The following ZNF469 variants were observed in gnomAD, a reference collection of about 807,000 sequenced individuals.
ZNF469 encodes zinc finger protein 469.
In ZNF469, 1 loss-of-function variant was observed where a neutral mutation model predicts 1.0. The observed-to-expected ratio is 1.00, with a 90% CI of 0.35 to 4.73. The LOEUF is 4.73. ZNF469 is among the 30% of genes most tolerant of loss of function. The pLI, the probability that ZNF469 is intolerant of heterozygous loss-of-function variation, is 0.16. For missense variants in ZNF469, 6,100 were observed against 5,356.3 expected, an observed-to-expected ratio of 1.14 and a Z score of -4.33; for synonymous variants, 2,703 against 2,363.4, an observed-to-expected ratio of 1.14 and a Z score of -4.17.
chr16:88,312,371 G>A, the ZNF469 span, among the ~76,000 whole-genome samples: 2 of 152,156 alleles, frequency 1.3e-5, no homozygotes, highest in Non-Finnish European at 2.9e-5. Flanking sequence ...AGCTTCTCAG[G>A]CCATTTGCCC....
In ZNF469 at chr16:88,402,770, T is replaced by C. The variant is rs541414050; in HGVS notation, c.-192+19516T>C. ...ACATTATTCCTCCGGTTCCAGGGCC[T>C]CTGATGAGCTGGGTTCATCTCCCAC... On this transcript the variant is annotated intron_variant, in intron 1 of 2. Transcript: ENST00000565624. 2.2e-4 allele frequency among the ~76,000 whole-genome samples: 34 copies of C among 152,282 alleles called. No homozygotes were observed. The South Asian group carries it at 7.1e-3, about 32-fold the overall frequency.
chr16:88,238,225 T>G, the ZNF469 span, among the ~76,000 whole-genome samples: 1 of 152,376 alleles, frequency 6.6e-6, no homozygotes, highest in South Asian at 2.1e-4. Flanking sequence ...ACCCTGTGTC[T>G]GCTGAACTGC....
At chr16:88,196,984 G>A in the ZNF469 span, among the ~76,000 whole-genome samples, 1 of 152,218 alleles carries the variant, frequency 6.6e-6, no homozygotes, top group African/African-American at 2.4e-5. Context: ...CCTGGGTCAT[G>A]TCTGAGCTGG....
At chr16:88,305,590 G>A in the ZNF469 span, among the ~76,000 whole-genome samples, 18 of 139,814 alleles carry the variant, frequency 1.3e-4, no homozygotes, top group East Asian at 2.3e-3. Flanking sequence ...AGGCACACAC[G>A]CACACCCTCA....
At chr16:88,221,215 C>A in the ZNF469 span, among the ~76,000 whole-genome samples, 1 of 152,238 alleles carries the variant, frequency 6.6e-6, no homozygotes, top group African/African-American at 2.4e-5. Context: ...TAAGGACAGA[C>A]CCGGGCTGGC....
chr16:88,348,875 G>A, the ZNF469 span, among the ~76,000 whole-genome samples: 29 of 152,290 alleles, frequency 1.9e-4, no homozygotes, highest in Middle Eastern at 3.4e-3. Context: ...GGCATCACGC[G>A]TGGGCATGTA....
At chr16:88,364,596 C>T in the ZNF469 span, among the ~76,000 whole-genome samples, 1 of 151,492 alleles carries the variant, frequency 6.6e-6, no homozygotes, top group Non-Finnish European at 1.5e-5. Context: ...TAGAGTCTTC[C>T]AGTCCATGAA....
In ZNF469 at chr16:88,431,129, A is replaced by C. The variant is rs1003126215; in HGVS notation, c.3659A>C (p.Asp1220Ala). 2 of 1,549,824 alleles carry C rather than the reference A, an allele frequency of 1.3e-6. No homozygotes were observed. The highest frequency in any genetic ancestry group is 2.7e-5 in the African/African-American group (2 of 72,858). ...TCAGAGGAAACCCGCCCGTCGCTGG[A>C]CTTTCCCCAGGAGGCCAAGGAGCCT... ...ETSEETRPSL[D>A]FPQEAKEPET... is the part of the protein sequence containing the mutation. The change falls in exon 3 of 3, where the codon GAC becomes GCC. Residue 1220 changes from aspartate to alanine, a missense_variant. By Grantham distance (126) the Asp-to-Ala change is moderately radical. Coordinates refer to ENST00000565624, the MANE Select transcript of ZNF469 (RefSeq NM_001367624.2).
chr16:88,183,812 G>A, the ZNF469 span, among the ~76,000 whole-genome samples: 17 of 152,344 alleles, frequency 1.1e-4, no homozygotes, highest in East Asian at 3.1e-3. Context: ...CCGGCCACAG[G>A]AGGGGGCGCA....
chr16:88,438,190 G>T lies in ZNF469; in HGVS notation c.10720G>T (p.Ala3574Ser), dbSNP rs1210914783. ...CAGAGGAGACTGCGCGCTGGACGGA[G>T]CCCTGGAGAGGCCAGAGAACGAGGC... is the stretch of plus-strand genomic sequence containing the variant. ...DGRGDCALDGALERPENEASP... is the reference protein window; with the variant it reads ...DGRGDCALDGSLERPENEASP... The change falls in exon 3 of 3, where the codon GCC (alanine) becomes TCC (serine). Residue 3574 changes from alanine (A) to serine (S), a missense_variant. Physicochemically the swap from Ala to Ser is moderately conservative, Grantham distance 99 (BLOSUM62 1). Transcript: ENST00000565624. 9.0e-6 allele frequency: 14 copies of T among 1,547,974 alleles called. No homozygotes were observed. Among genetic ancestry groups the T allele is most frequent in the African/African-American group, 1.4e-5 (1 of 73,010 alleles).
the ZNF469 span, among the ~76,000 whole-genome samples, chr16:88,102,223 A>AG: frequency 6.6e-6 from 1 of 152,190 alleles, no homozygotes; most frequent in Non-Finnish European, 1.5e-5. Context: ...AAAAACAGGC[A>AG]GGGCCATGCC....
chr16:88,180,964 G>C, the ZNF469 span, among the ~76,000 whole-genome samples: 1 of 152,016 alleles, frequency 6.6e-6, no homozygotes, highest in African/African-American at 2.4e-5. Context: ...AGCTATAGAA[G>C]AAGTAGACAG....
chr16:88,214,583 C>A, the ZNF469 span, among the ~76,000 whole-genome samples: 1 of 151,950 alleles, frequency 6.6e-6, no homozygotes, highest in African/African-American at 2.4e-5. Flanking sequence ...TATACACGTG[C>A]CATGGTGGTT....
At position 88,425,342 on chromosome 16, in the gene ZNF469, G is replaced by A. The variant is rs531952301; in HGVS notation, c.-127+471G>A. On this transcript the variant is annotated intron_variant, in intron 2 of 2. Coordinates refer to ENST00000565624, the MANE Select transcript of ZNF469 (RefSeq NM_001367624.2). ...CCATGGGTAGGGGGGTCTGACATGTGGGACTGGGCTTCATGTGGGGCCTGG... is the reference window on the plus strand; with the variant it reads ...CCATGGGTAGGGGGGTCTGACATGTAGGACTGGGCTTCATGTGGGGCCTGG... Among the ~76,000 whole-genome samples, 11 of 152,306 alleles carry A rather than the reference G, an allele frequency of 7.2e-5. No individual in the cohort carries two copies. In the East Asian group the frequency reaches 2.1e-3, roughly 29 times the overall value.
the ZNF469 span, among the ~76,000 whole-genome samples, chr16:88,254,370 A>T: frequency 6.6e-6 from 1 of 152,174 alleles, no homozygotes; most frequent in Non-Finnish European, 1.5e-5. Flanking sequence ...TTGTCCATTC[A>T]TACACCAATA....
chr16:88,119,015 G>C, the ZNF469 span, among the ~76,000 whole-genome samples: 1 of 152,214 alleles, frequency 6.6e-6, no homozygotes, highest in African/African-American at 2.4e-5. Context: ...CAGGGCGCTA[G>C]GCAGGAACTG....
At chr16:88,123,354 G>C in the ZNF469 span, among the ~76,000 whole-genome samples, 6 of 152,138 alleles carry the variant, frequency 3.9e-5, no homozygotes, top group South Asian at 1.2e-3. Flanking sequence ...TTTTATTGTT[G>C]AGCAGTGCTT....
At chr16:88,103,697 G>A in the ZNF469 span, among the ~76,000 whole-genome samples, 5 of 152,174 alleles carry the variant, frequency 3.3e-5, no homozygotes, top group Admixed American at 1.3e-4. Context: ...TCCGTGGCAC[G>A]AGGAAGCGCT....
At chr16:88,285,201 A>G in the ZNF469 span, among the ~76,000 whole-genome samples, 2 of 152,254 alleles carry the variant, frequency 1.3e-5, no homozygotes, top group African/African-American at 4.8e-5. Flanking sequence ...TGCCCGGAGA[A>G]CTGCCCCCAG....
Sources: allele counts gnomAD v4.1 joint callset (sites outside exome capture counted in the v4.1 genomes callset), GRCh38; gene constraint gnomAD v4.1.1; transcripts MANE v1.5; gene names NCBI Gene and HGNC (gene_info 2026-07-23, HGNC 2026-07-21).